Variants in ERBB4 observed in about 807,000 individuals in gnomAD.
The protein encoded by ERBB4 is receptor tyrosine-protein kinase erbB-4.
Under a neutral mutation model 158.0 loss-of-function variants are expected in ERBB4, and 42 were observed. The observed-to-expected ratio is 0.27, with a 90% CI of 0.21 to 0.34. ERBB4 has a LOEUF of 0.34. Ranked by LOEUF, ERBB4 falls within the 10% of genes least tolerant of loss-of-function variation. The pLI, the probability that ERBB4 is intolerant of heterozygous loss-of-function variation, is 1.00. For missense variants in ERBB4, 1,333 were observed against 1,624.1 expected (o/e 0.82, Z 3.08); for synonymous variants, 583 against 558.7 (o/e 1.04, Z -0.61).
At chr2:211,640,521 T>G (rs1273424177) in intron 16 of ERBB4, among the ~76,000 whole-genome samples, 1 of 152,184 alleles carries the variant, frequency 6.6e-6, no homozygotes, top group Non-Finnish European at 1.5e-5. Context: ...TATAATTGAT[T>G]ATTGATGTAT....
intron 25 of ERBB4, among the ~76,000 whole-genome samples, chr2:211,403,851 T>G (rs1574421396): frequency 6.6e-6 from 1 of 152,260 alleles, no homozygotes; most frequent in South Asian, 2.1e-4. Context: ...GGTATGGTTT[T>G]GAATACTTTG....
At chr2:211,504,112 T>C (rs1206606387) in intron 20 of ERBB4, among the ~76,000 whole-genome samples, 1 of 152,146 alleles carries the variant, frequency 6.6e-6, no homozygotes, top group Non-Finnish European at 1.5e-5. Flanking sequence ...AGTGCTCAGC[T>C]GGTTCTTACC....
At chr2:211,625,736 T>A (rs1341874510) in intron 17 of ERBB4, among the ~76,000 whole-genome samples, 1 of 152,206 alleles carries the variant, frequency 6.6e-6, no homozygotes, top group Non-Finnish European at 1.5e-5. Flanking sequence ...GCTATATGTA[T>A]AATGAATAAC....
intron 1 of ERBB4, among the ~76,000 whole-genome samples, chr2:212,178,175 A>G (rs1559666446): frequency 6.6e-6 from 1 of 151,846 alleles, no homozygotes; most frequent in Non-Finnish European, 1.5e-5. Flanking sequence ...GCCTTACCTT[A>G]AAAACAATGA....
chr2:211,990,522 A>AT (rs76666265), intron 2 of ERBB4, among the ~76,000 whole-genome samples: 17,803 of 124,778 alleles, frequency 0.14, 1,248 homozygotes, highest in South Asian at 0.26. Context: ...AAATAAAAAT[A>AT]AAAATAAATA....
At chr2:211,475,269 A>T (rs1329768981) in intron 20 of ERBB4, among the ~76,000 whole-genome samples, 1 of 152,132 alleles carries the variant, frequency 6.6e-6, no homozygotes, top group Non-Finnish European at 1.5e-5. Context: ...CTGTATTAGA[A>T]TCTCTTTTTG....
chr2:211,659,168 C>T (rs183544435), intron 15 of ERBB4, among the ~76,000 whole-genome samples: 261 of 139,020 alleles, frequency 1.9e-3, no homozygotes, highest in African/African-American at 6.5e-3. Flanking sequence ...ACCTATAATA[C>T]CAATTAAGTC....
intron 3 of ERBB4, among the ~76,000 whole-genome samples, chr2:211,854,196 T>C (rs1331016346): frequency 6.6e-6 from 1 of 152,124 alleles, no homozygotes; most frequent in African/African-American, 2.4e-5. Flanking sequence ...ATTATTAGGA[T>C]AGTTTTATCA....
At chr2:212,078,288 G>A (rs1263311444) in intron 2 of ERBB4, among the ~76,000 whole-genome samples, 1 of 151,324 alleles carries the variant, frequency 6.6e-6, no homozygotes, top group Non-Finnish European at 1.5e-5. Flanking sequence ...TTTTTTTGGG[G>A]TTTCACTTTT....
At chr2:211,720,964 A>G (rs1215107529) in intron 7 of ERBB4, among the ~76,000 whole-genome samples, 1 of 152,194 alleles carries the variant, frequency 6.6e-6, no homozygotes, top group Admixed American at 6.5e-5. Context: ...TCAACACCAC[A>G]AAATGGCACT....
chr2:212,374,071 TATATATATCC>T (rs1214694880), intron 1 of ERBB4, among the ~76,000 whole-genome samples: 6 of 96,196 alleles, frequency 6.2e-5, no homozygotes, highest in South Asian at 7.6e-4. Flanking sequence ...TATATATCCA[TATATATATCC>T]ATATATATCC....
chr2:211,886,376 A>G (rs896064837), intron 3 of ERBB4, among the ~76,000 whole-genome samples: 1 of 152,202 alleles, frequency 6.6e-6, no homozygotes, highest in Admixed American at 6.5e-5. Flanking sequence ...CTGTATTCTC[A>G]TCAGCAAGAA....
At chr2:212,475,354 C>T (rs1472156650) in intron 1 of ERBB4, among the ~76,000 whole-genome samples, 2 of 152,112 alleles carry the variant, frequency 1.3e-5, no homozygotes, top group Non-Finnish European at 1.5e-5. Flanking sequence ...GAGCCAGTCC[C>T]GTCTCCCATG....
chr2:212,440,089 T>C (rs2092222612), intron 1 of ERBB4, among the ~76,000 whole-genome samples: 1 of 152,216 alleles, frequency 6.6e-6, no homozygotes, highest in Non-Finnish European at 1.5e-5. Context: ...CACTAACTTA[T>C]CCAAAGAAAA....
At chr2:211,681,105 A>T (rs908630044) in intron 12 of ERBB4, among the ~76,000 whole-genome samples, 1 of 152,184 alleles carries the variant, frequency 6.6e-6, no homozygotes, top group Non-Finnish European at 1.5e-5. Context: ...ATGAAATTAT[A>T]CAGTATATTT....
intron 1 of ERBB4, among the ~76,000 whole-genome samples, chr2:212,450,983 T>C (rs1287120309): frequency 3.3e-5 from 5 of 152,090 alleles, no homozygotes; most frequent in Non-Finnish European, 7.4e-5. Context: ...AATAAAAAAT[T>C]AGCCAGGTGT....
At chr2:212,124,266 T>C (rs1434392830) in intron 2 of ERBB4, among the ~76,000 whole-genome samples, 1 of 152,224 alleles carries the variant, frequency 6.6e-6, no homozygotes, top group Non-Finnish European at 1.5e-5. Flanking sequence ...GAGTCTACTT[T>C]AAATAATTTG....
In ERBB4 at chr2:212,126,320, C is replaced by T. The variant is rs575478806; in HGVS notation, c.83-1417G>A. On this transcript the variant is annotated intron_variant, in intron 1 of 27. Coordinates refer to ENST00000342788, the MANE Select transcript of ERBB4 (RefSeq NM_005235.3). The stretch of plus-strand genomic sequence containing the variant: ...ACCAAAAATACAAAAATTAGCTGGG[C>T]GTGGTAGCTCATGCCTGTAATCCCA... 1.8e-4 allele frequency among the ~76,000 whole-genome samples: 28 copies of T among 151,888 alleles called. No homozygotes were observed. In the East Asian group the frequency reaches 3.7e-3, roughly 20 times the overall value.
intron 1 of ERBB4, among the ~76,000 whole-genome samples, chr2:212,447,188 G>A (rs2092374079): frequency 1.3e-5 from 2 of 151,750 alleles, no homozygotes; most frequent in African/African-American, 4.8e-5. Flanking sequence ...TAGTAGAGAC[G>A]GGGTTTCATT....
Sources: gnomAD v4.1 joint callset for allele counts (sites outside exome capture counted in the v4.1 genomes callset) on GRCh38, gnomAD v4.1.1 for gene constraint, MANE v1.5 for transcripts, NCBI Gene and HGNC (gene_info 2026-07-23, HGNC 2026-07-21) for gene names.